Variants in ITPR1 observed in about 807,000 individuals in gnomAD.
ITPR1 encodes the protein inositol 1,4,5-trisphosphate-gated calcium channel ITPR1.
ITPR1 carries 96 observed loss-of-function variants against 318.4 expected under a neutral mutation model. The observed-to-expected ratio is 0.30, with a 90% CI of 0.26 to 0.36. ITPR1 has a LOEUF of 0.36. Ranked by LOEUF, ITPR1 falls within the 10% of genes least tolerant of loss-of-function variation. The pLI, the probability that ITPR1 is intolerant of heterozygous loss-of-function variation, is 1.00. For synonymous variants in ITPR1, 1,312 were observed against 1,289.9 expected (o/e 1.02, Z -0.37); for missense variants, 2,440 against 3,460.2 (o/e 0.71, Z 7.40).
Position 4,779,505 on chromosome 3 carries a change from C to G in ITPR1, c.6292-45C>G, listed in dbSNP as rs1011328269. ...GGCACCTGCATTCAGGCCGGGCCCCCAAGCAGCCCCTCTACATTTCCTCTC... is the reference window on the plus strand; with the variant it reads ...GGCACCTGCATTCAGGCCGGGCCCCGAAGCAGCCCCTCTACATTTCCTCTC... On this transcript the variant is annotated intron_variant, in intron 48 of 61. Transcript: ENST00000649015. This position sits in a 1 kb window ranked among gnomAD's most constrained non-coding sequence, Gnocchi z 4.0. The G allele has an allele frequency of 1.4e-5, 21 of 1,471,900 alleles. No homozygotes were observed. Among genetic ancestry groups the G allele is most frequent in the Non-Finnish European group, 1.9e-5 (20 of 1,052,798 alleles). 91.2% of individuals were successfully genotyped at this position (1,471,900 alleles called of 1,614,324 possible).
chr3:4,795,017 C>A (rs2047807012), intron 52 of ITPR1, 48 bp from the exon 53 acceptor site: 1 of 1,517,110 alleles, frequency 6.6e-7, no homozygotes, highest in East Asian at 2.4e-5. Flanking sequence ...TCCTGGCGTT[C>A]CGGCTTGGGG....
intron 4 of ITPR1, among the ~76,000 whole-genome samples, chr3:4,537,355 GTTC>G (rs535023631): frequency 1.8e-4 from 28 of 152,270 alleles, no homozygotes; most frequent in African/African-American, 6.5e-4. Flanking sequence ...TGTAAGCTCT[GTTC>G]TTCTAGAAAT....
chr3:4,536,964 T>A (rs372448834), intron 4 of ITPR1, among the ~76,000 whole-genome samples: 1 of 127,934 alleles, frequency 7.8e-6, no homozygotes, highest in South Asian at 2.4e-4. Context: ...TTGGGGTCAA[T>A]CCCAGACGAA....
intron 4 of ITPR1, among the ~76,000 whole-genome samples, chr3:4,545,063 T>C (rs2084836253): frequency 6.6e-6 from 1 of 152,102 alleles, no homozygotes; most frequent in South Asian, 2.1e-4. Flanking sequence ...CCCAAAGTGC[T>C]GGGATTACAG....
intron 4 of ITPR1, among the ~76,000 whole-genome samples, chr3:4,581,087 C>T (rs749038047): frequency 2.6e-5 from 4 of 152,198 alleles, no homozygotes; most frequent in Admixed American, 1.3e-4. Context: ...GCTTAAAATA[C>T]CGCTTGTTTC....
In ITPR1 at chr3:4,697,280, T is replaced by A. The variant is rs563923293; in HGVS notation, c.4407+8T>A. 2 of 1,550,888 alleles carry A rather than the reference T, an allele frequency of 1.3e-6. No homozygotes were observed. The highest frequency in any genetic ancestry group is 2.7e-5 in the African/African-American group (2 of 72,904). ...CTTGTAGACATCTGCAGGGTAAGGC[T>A]TTTGGAACTGAGGAGGCAGAGTTGG... is the stretch of plus-strand genomic sequence containing the variant. On this transcript the variant is annotated splice_region_variant and intron_variant, in intron 34 of 61. Coordinates refer to ENST00000649015, the MANE Select transcript of ITPR1 (RefSeq NM_001378452.1).
intron 52 of ITPR1, among the ~76,000 whole-genome samples, chr3:4,791,577 G>C (rs2047557877): frequency 6.6e-6 from 1 of 152,224 alleles, no homozygotes; most frequent in Non-Finnish European, 1.5e-5. Context: ...CTATGGGCCA[G>C]AACTGGTCTG....
chr3:4,626,262 T>C (rs1172611348), intron 4 of ITPR1, among the ~76,000 whole-genome samples: 1 of 152,016 alleles, frequency 6.6e-6, no homozygotes, highest in African/African-American at 2.4e-5. Context: ...GTAGGCAATA[T>C]AAAACAAGTG....
intron 52 of ITPR1, among the ~76,000 whole-genome samples, chr3:4,791,277 G>A (rs2047536005): frequency 6.6e-6 from 1 of 152,206 alleles, no homozygotes; most frequent in Non-Finnish European, 1.5e-5. Flanking sequence ...AAAACGTGCT[G>A]TAAGGCAGCG....
intron 23 of ITPR1, among the ~76,000 whole-genome samples, chr3:4,676,175 C>G (rs1361717364): frequency 7.7e-6 from 1 of 129,832 alleles, no homozygotes; most frequent in Non-Finnish European, 1.6e-5. Context: ...GAACCTATCT[C>G]TACCAAAAAA....
At chr3:4,612,271 A>G (rs957354037) in intron 4 of ITPR1, among the ~76,000 whole-genome samples, 6 of 152,028 alleles carry the variant, frequency 3.9e-5, no homozygotes, top group Admixed American at 2.0e-4. Flanking sequence ...CATGTTGGCC[A>G]GGCTGGTCTC....
chr3:4,566,560 A>G (rs2087275052), intron 4 of ITPR1, among the ~76,000 whole-genome samples: 1 of 151,684 alleles, frequency 6.6e-6, no homozygotes, highest in Non-Finnish European at 1.5e-5. Context: ...GTGGGGAGAA[A>G]TAGCCAGGAC....
At position 4,603,043 on chromosome 3, in the gene ITPR1, G is replaced by A. The variant is rs192758318; in HGVS notation, c.164-24720G>A. On this transcript the variant is annotated intron_variant, in intron 4 of 61. Coordinates refer to ENST00000649015, the MANE Select transcript of ITPR1 (RefSeq NM_001378452.1). Reference sequence around the variant, plus strand: ...CATGTAAAAAATGTTCAAGCTTACTGGTAACAAAATATATGCAGATGAAAC... The same window carrying A: ...CATGTAAAAAATGTTCAAGCTTACTAGTAACAAAATATATGCAGATGAAAC... 3.3e-5 allele frequency among the ~76,000 whole-genome samples: 5 copies of A among 152,040 alleles called. No homozygotes were observed. The East Asian group carries it at 7.7e-4, about 23-fold the overall frequency.
At chr3:4,540,857 T>C (rs1302756075) in intron 4 of ITPR1, among the ~76,000 whole-genome samples, 4 of 152,198 alleles carry the variant, frequency 2.6e-5, no homozygotes, top group Non-Finnish European at 5.9e-5. Flanking sequence ...ATTACAGATG[T>C]GAGACACCAC....
At chr3:4,684,226 C>T in intron 28 of ITPR1, 55 bp from the exon 29 acceptor site, 1 of 1,181,720 alleles carries the variant, frequency 8.5e-7, no homozygotes. Flanking sequence ...CTGTAAAAAA[C>T]TGACAGTAGC....
At chr3:4,623,419 C>T (rs1448478009) in intron 4 of ITPR1, among the ~76,000 whole-genome samples, 1 of 152,202 alleles carries the variant, frequency 6.6e-6, no homozygotes, top group East Asian at 1.9e-4. Context: ...TCCTCAAAGG[C>T]CTAAAATAAT....
intron 61 of ITPR1, among the ~76,000 whole-genome samples, chr3:4,839,893 G>C (rs930383543): frequency 6.6e-6 from 1 of 151,734 alleles, no homozygotes; most frequent in Admixed American, 6.6e-5. Context: ...AATTTGAACT[G>C]TTTTTTTTCT....
chr3:4,725,707 T>C lies in ITPR1; in HGVS notation c.5172+126T>C, dbSNP rs369544619. The C allele has an allele frequency of 2.4e-4, 188 of 795,014 alleles. No homozygotes were observed. In the African/African-American group the frequency reaches 2.8e-3, roughly 12 times the overall value. 49.2% of individuals were successfully genotyped at this position (795,014 alleles called of 1,614,324 possible). ...CCCGGTGGTAGATGTAGGAGGGAGGTCTCTAGGCTGGCTGGGAACAGATCA... is the reference window on the plus strand; with the variant it reads ...CCCGGTGGTAGATGTAGGAGGGAGGCCTCTAGGCTGGCTGGGAACAGATCA... On this transcript the variant is annotated intron_variant, in intron 41 of 61. Transcript: ENST00000649015.
chr3:4,789,129 G>C (rs184112166), intron 52 of ITPR1, among the ~76,000 whole-genome samples: 4 of 152,086 alleles, frequency 2.6e-5, no homozygotes, highest in African/African-American at 9.7e-5. Flanking sequence ...TTCCAGCCCC[G>C]CTGTACTCTT....
Sources: gnomAD v4.1 joint callset for allele counts (sites outside exome capture counted in the v4.1 genomes callset) on GRCh38, gnomAD v4.1.1 for gene constraint, Gnocchi (gnomAD v3.1) non-coding constraint, MANE v1.5 for transcripts, NCBI Gene and HGNC (gene_info 2026-07-23, HGNC 2026-07-21) for gene names.